DLGAP2: variants seen among roughly 807,000 people sequenced by gnomAD.
DLGAP2 encodes the protein disks large-associated protein 2.
In DLGAP2, 26 loss-of-function variants were observed where a neutral mutation model predicts 100.3. The observed-to-expected ratio is 0.26, with a 90% confidence interval of 0.19 to 0.36. The LOEUF (loss-of-function observed/expected upper bound fraction) is 0.36, where lower values mean the gene tolerates loss of function less well. DLGAP2 is among the 10% of genes least tolerant of loss of function. DLGAP2 has a pLI of 1.00. For synonymous variants in DLGAP2, 886 were observed against 630.1 expected (o/e 1.41, Z -6.08); for missense variants, 1,858 against 1,453.2 (o/e 1.28, Z -4.53).
intron 3 of DLGAP2, among the ~76,000 whole-genome samples, chr8:1,303,614 G>A (rs73670721): frequency 0.013 from 1,979 of 152,152 alleles, 47 homozygotes; most frequent in African/African-American, 0.044. Context: ...AGAATCAGTA[G>A]AAAGTCCTCC....
At chr8:1,627,632 T>G (rs1443789023) in intron 7 of DLGAP2, among the ~76,000 whole-genome samples, 2 of 152,276 alleles carry the variant, frequency 1.3e-5, no homozygotes, top group Non-Finnish European at 2.9e-5. Flanking sequence ...TGAGCTGACC[T>G]TGAGTTTGTA....
intron 3 of DLGAP2, among the ~76,000 whole-genome samples, chr8:1,362,410 C>T (rs1802002554): frequency 6.8e-6 from 1 of 147,500 alleles, no homozygotes; most frequent in South Asian, 2.1e-4. Context: ...GGACAGCAGT[C>T]CCGCCGTCAC....
At chr8:1,667,439 C>G (rs1410810505) in intron 8 of DLGAP2, among the ~76,000 whole-genome samples, 1 of 152,148 alleles carries the variant, frequency 6.6e-6, no homozygotes, top group Non-Finnish European at 1.5e-5. Context: ...TGAGCGTGGC[C>G]TGGCCCAGCT....
In DLGAP2 at chr8:1,262,868, G is replaced by T. The variant is rs542185501; in HGVS notation, c.106+3985G>T. Among the ~76,000 whole-genome samples, 7 of 151,814 alleles carry T rather than the reference G, an allele frequency of 4.6e-5. No homozygotes were observed. In the South Asian group the frequency reaches 1.5e-3, roughly 32 times the overall value. On this transcript the variant is annotated intron_variant, in intron 3 of 14. Transcript: ENST00000637795. ...GAACACAGGAAAATTTATGGACATT[G>T]GGTGGGGCCACAGATGTCAGTTCAT...
chr8:782,948 G>T (rs1188340899), intron 1 of DLGAP2, among the ~76,000 whole-genome samples: 8 of 152,174 alleles, frequency 5.3e-5, no homozygotes, highest in Non-Finnish European at 5.9e-5. Flanking sequence ...TGTGCTGACT[G>T]ACCCGGGAAA....
chr8:898,617 C>T (rs1017592477), intron 1 of DLGAP2, among the ~76,000 whole-genome samples: 66 of 151,846 alleles, frequency 4.3e-4, no homozygotes, highest in Non-Finnish European at 7.2e-4. Flanking sequence ...TTTGGGACTC[C>T]GCGTGCTTCC....
chr8:1,351,647 A>G (rs1302651734), intron 3 of DLGAP2, among the ~76,000 whole-genome samples: 4 of 61,412 alleles, frequency 6.5e-5, no homozygotes, highest in African/African-American at 2.1e-4. Context: ...GTGCGTGGAA[A>G]GGCCGTGCGG....
chr8:1,126,842 G>A (rs1254939693), intron 2 of DLGAP2, among the ~76,000 whole-genome samples: 4 of 152,074 alleles, frequency 2.6e-5, no homozygotes, highest in African/African-American at 4.8e-5. Flanking sequence ...CCATTGTGGT[G>A]CAGATGAGGG....
intron 2 of DLGAP2, among the ~76,000 whole-genome samples, chr8:967,633 T>A (rs1799904135): frequency 6.7e-6 from 1 of 150,228 alleles, no homozygotes; most frequent in African/African-American, 2.5e-5. Flanking sequence ...AAATTGTGGA[T>A]TTTTTTCTTG....
intron 6 of DLGAP2, among the ~76,000 whole-genome samples, chr8:1,572,093 G>A (rs10093266): frequency 0.26 from 20,635 of 80,832 alleles, 3,039 homozygotes; most frequent in East Asian, 0.35. Context: ...CTGTGGGGGC[G>A]TCTGATGAGA....
chr8:1,245,538 C>A (rs773581148), intron 2 of DLGAP2, among the ~76,000 whole-genome samples: 2 of 152,126 alleles, frequency 1.3e-5, no homozygotes, highest in Non-Finnish European at 2.9e-5. Context: ...TCAGAACAGG[C>A]AAATCTATAT....
chr8:1,359,713 A>C (rs1351506679), intron 3 of DLGAP2, among the ~76,000 whole-genome samples: 1 of 152,206 alleles, frequency 6.6e-6, no homozygotes, highest in African/African-American at 2.4e-5. Context: ...GCTCTTATAA[A>C]ACCCGCGCGT....
intron 12 of DLGAP2, among the ~76,000 whole-genome samples, chr8:1,690,720 A>T (rs1014110771): frequency 1.3e-5 from 2 of 151,884 alleles, no homozygotes; most frequent in African/African-American, 4.8e-5. Context: ...AAAAAAAAAA[A>T]AAAAAAAAAT....
chr8:1,658,408 T>G (rs1468341772), intron 8 of DLGAP2, among the ~76,000 whole-genome samples: 1 of 152,194 alleles, frequency 6.6e-6, no homozygotes, highest in Non-Finnish European at 1.5e-5. Flanking sequence ...TATATATACT[T>G]TAAGTTCTGG....
chr8:1,243,028 C>G (rs1563275828), intron 2 of DLGAP2, among the ~76,000 whole-genome samples: 1 of 152,210 alleles, frequency 6.6e-6, no homozygotes, highest in Non-Finnish European at 1.5e-5. Flanking sequence ...TGACCACCTT[C>G]CCTAGGCAAA....
At chr8:932,654 A>G (rs143756472) in intron 2 of DLGAP2, among the ~76,000 whole-genome samples, 119 of 152,332 alleles carry the variant, frequency 7.8e-4, no homozygotes, top group African/African-American at 2.8e-3. Context: ...TATGCCTGCA[A>G]TGTAGTCTCA....
At chr8:824,341 G>A (rs181587007) in intron 1 of DLGAP2, among the ~76,000 whole-genome samples, 2 of 152,226 alleles carry the variant, frequency 1.3e-5, no homozygotes, top group East Asian at 3.9e-4. Flanking sequence ...GTCCCACAGT[G>A]CTGGGATTGC....
chr8:884,478 A>G (rs1003609998), intron 1 of DLGAP2, among the ~76,000 whole-genome samples: 3 of 150,224 alleles, frequency 2.0e-5, no homozygotes, highest in African/African-American at 7.4e-5. Context: ...CCACTTTTCG[A>G]TGTTTTTTTT....
chr8:1,615,161 C>G (rs1320507499), intron 6 of DLGAP2, among the ~76,000 whole-genome samples: 1 of 152,112 alleles, frequency 6.6e-6, no homozygotes, highest in African/African-American at 2.4e-5. Flanking sequence ...ATTTGCGGAC[C>G]CCTGAAAAAG....
Sources: gnomAD v4.1 joint callset for allele counts (sites outside exome capture counted in the v4.1 genomes callset) on GRCh38, gnomAD v4.1.1 for gene constraint, MANE v1.5 for transcripts, NCBI Gene and HGNC (gene_info 2026-07-23, HGNC 2026-07-21) for gene names.